ROBO2: variants seen among roughly 807,000 people sequenced by gnomAD.
ROBO2 encodes roundabout guidance receptor 2.
Under a neutral mutation model 160.8 loss-of-function variants are expected in ROBO2, and 53 were observed. That is an observed-to-expected ratio of 0.33 (90% CI 0.26 to 0.41). The LOEUF is 0.41. ROBO2 is among the 10% of genes least tolerant of loss of function. ROBO2 has a pLI of 1.00. For synonymous variants in ROBO2, 664 were observed against 611.7 expected, an observed-to-expected ratio of 1.09 and a Z score of -1.26; for missense variants, 1,577 against 1,722.4, an observed-to-expected ratio of 0.92 and a Z score of 1.49.
intron 2 of ROBO2, among the ~76,000 whole-genome samples, chr3:76,789,532 G>A (rs902199535): frequency 6.6e-6 from 1 of 151,510 alleles, no homozygotes; most frequent in South Asian, 2.1e-4. Flanking sequence ...CTTCAATTCA[G>A]TTCTGTTCCC....
At chr3:77,229,163 G>A (rs2086853240) in intron 2 of ROBO2, among the ~76,000 whole-genome samples, 1 of 152,082 alleles carries the variant, frequency 6.6e-6, no homozygotes, top group Admixed American at 6.5e-5. Context: ...GTTATTGGGA[G>A]GGAGATGGGA....
At chr3:76,629,736 C>A (rs1345921117) in intron 2 of ROBO2, among the ~76,000 whole-genome samples, 7 of 152,148 alleles carry the variant, frequency 4.6e-5, no homozygotes, top group African/African-American at 1.7e-4. Context: ...CAATATTAAC[C>A]ATCACACCAG....
At chr3:76,773,826 G>A (rs958182682) in intron 2 of ROBO2, among the ~76,000 whole-genome samples, 12 of 150,518 alleles carry the variant, frequency 8.0e-5, no homozygotes, top group Admixed American at 6.7e-5. Context: ...AATGGCCCTG[G>A]GAAGAATACA....
chr3:76,591,813 G>C (rs1259099808), intron 2 of ROBO2, among the ~76,000 whole-genome samples: 1 of 151,942 alleles, frequency 6.6e-6, no homozygotes. Flanking sequence ...TATTTTTACT[G>C]TTTTAATGAT....
At chr3:76,812,909 A>ATTTTTTTTTTTTTTTTT (rs71104626) in intron 2 of ROBO2, among the ~76,000 whole-genome samples, 6 of 104,656 alleles carry the variant, frequency 5.7e-5, no homozygotes, top group African/African-American at 2.2e-4. Context: ...AGAAGTATAA[A>ATTTTTTTTTTTTTTTTT]TTTTTTTTTT....
chr3:77,317,548 C>A, intron 2 of ROBO2: 1 of 1,387,062 alleles, frequency 7.2e-7, no homozygotes, highest in Non-Finnish European at 1.0e-6. Flanking sequence ...ATCCATAGCC[C>A]TTGGTGAAGA....
intron 2 of ROBO2, among the ~76,000 whole-genome samples, chr3:75,941,211 C>T (rs554770992): frequency 6.6e-6 from 1 of 152,258 alleles, no homozygotes; most frequent in African/African-American, 2.4e-5. Flanking sequence ...TAACCTAGGC[C>T]TTCCAAAGTA....
intron 2 of ROBO2, among the ~76,000 whole-genome samples, chr3:76,447,605 C>T (rs143892842): frequency 4.7e-5 from 7 of 149,470 alleles, no homozygotes; most frequent in South Asian, 2.2e-4. Flanking sequence ...ATGTATATTG[C>T]GGCACTATTC....
At chr3:76,662,588 A>C (rs2110067837) in intron 2 of ROBO2, among the ~76,000 whole-genome samples, 1 of 152,256 alleles carries the variant, frequency 6.6e-6, no homozygotes, top group South Asian at 2.1e-4. Flanking sequence ...TACTAATGCG[A>C]GTTAGGTGAG....
chr3:76,848,987 TAAAGA>T (rs1247507339), intron 2 of ROBO2, among the ~76,000 whole-genome samples: 6 of 152,230 alleles, frequency 3.9e-5, no homozygotes, highest in South Asian at 4.1e-4. Flanking sequence ...ACAAATAAAA[TAAAGA>T]AAAGTTATAA....
intron 2 of ROBO2, among the ~76,000 whole-genome samples, chr3:77,447,746 T>C (rs558441161): frequency 6.6e-6 from 1 of 152,138 alleles, no homozygotes; most frequent in East Asian, 1.9e-4. Context: ...CGTTGACTAA[T>C]TAAAAAGTTC....
intron 2 of ROBO2, among the ~76,000 whole-genome samples, chr3:77,209,722 A>C (rs546757536): frequency 1.3e-5 from 2 of 152,292 alleles, no homozygotes; most frequent in South Asian, 2.1e-4. Context: ...CTAATCTACA[A>C]AATTAGAGGA....
At chr3:76,860,362 A>T (rs985144462) in intron 2 of ROBO2, among the ~76,000 whole-genome samples, 1 of 152,246 alleles carries the variant, frequency 6.6e-6, no homozygotes, top group African/African-American at 2.4e-5. Context: ...GAAAATTGAG[A>T]TATCAAAATT....
At chr3:77,024,962 G>GT (rs796434784) in intron 2 of ROBO2, among the ~76,000 whole-genome samples, 101 of 149,238 alleles carry the variant, frequency 6.8e-4, no homozygotes, top group African/African-American at 1.4e-3. Context: ...CCTCTTAGCT[G>GT]TTTTTTTTTG....
chr3:76,434,871 G>C, intron 2 of ROBO2: 1 of 1,585,870 alleles, frequency 6.3e-7, no homozygotes, highest in Non-Finnish European at 8.7e-7. Context: ...GGCTCAGAGT[G>C]GTCCAGTATG....
In ROBO2 at chr3:77,009,547, T is replaced by C. The variant is rs1016082703; in HGVS notation, c.110-88467T>C. 2.0e-5 allele frequency among the ~76,000 whole-genome samples: 3 copies of C among 152,226 alleles called. No individual in the cohort carries two copies. The East Asian group carries it at 5.8e-4, about 29-fold the overall frequency. On this transcript the variant is annotated intron_variant, in intron 2 of 26. Transcript: ENST00000487694. ...ACTCTATGATGTTCATAACATTTTC[T>C]CACAGCTGGTCTTCATAATTTTATA...
chr3:76,109,732 G>A (rs893708892), intron 2 of ROBO2, among the ~76,000 whole-genome samples: 7 of 151,944 alleles, frequency 4.6e-5, no homozygotes, highest in Non-Finnish European at 1.0e-4. Context: ...ATATTGCGAA[G>A]TGGTGAAGTT....
chr3:76,457,404 G>T (rs573293348), intron 2 of ROBO2, among the ~76,000 whole-genome samples: 1 of 152,186 alleles, frequency 6.6e-6, no homozygotes, highest in Non-Finnish European at 1.5e-5. Flanking sequence ...GTCTCACATC[G>T]AGGTTATGCT....
At chr3:76,634,746 T>C (rs1480829299) in intron 2 of ROBO2, among the ~76,000 whole-genome samples, 2 of 152,120 alleles carry the variant, frequency 1.3e-5, no homozygotes, top group Non-Finnish European at 2.9e-5. Context: ...TCCTATAACA[T>C]AGAAGCCCCC....
Sources: allele counts gnomAD v4.1 joint callset (sites outside exome capture counted in the v4.1 genomes callset), GRCh38; gene constraint gnomAD v4.1.1; transcripts MANE v1.5; gene names NCBI Gene and HGNC (gene_info 2026-07-23, HGNC 2026-07-21).